Variants in HERC1 observed in about 807,000 individuals in gnomAD.
HERC1 encodes probable E3 ubiquitin-protein ligase HERC1.
HERC1 carries 160 observed loss-of-function variants against 554.3 expected under a neutral mutation model. The observed-to-expected ratio is 0.29, with a 90% CI of 0.25 to 0.33. The LOEUF (loss-of-function observed/expected upper bound fraction) is 0.33. Ranked by LOEUF, HERC1 falls within the 10% of genes least tolerant of loss-of-function variation. The pLI is 1.00. For missense variants in HERC1, 4,919 were observed against 5,918.5 expected (o/e 0.83, Z 5.54); for synonymous variants, 2,175 against 2,131.7 (o/e 1.02, Z -0.56).
At position 63,686,510 on chromosome 15, in the gene HERC1, T is replaced by C. The variant is rs773928646; in HGVS notation, c.6074A>G (p.Asp2025Gly). 4 of 1,613,022 alleles carry C rather than the reference T, an allele frequency of 2.5e-6. No individual in the cohort carries two copies. The highest frequency in any genetic ancestry group is 1.3e-5 in the African/African-American group (1 of 74,882). ...LQKQGELEEE[D>G]ENLPIQEVSF... ...TACTTCTTGGATAGGAAGATTCTCA[T>C]CTTCTTCTTCCAACTCGCCCTGCTT... The change falls in exon 34 of 78, where the codon GAT (aspartate) becomes GGT (glycine). Residue 2025 changes from aspartate to glycine, a missense_variant. Transcript: ENST00000443617.
At chr15:63,825,782 G>A (rs78732015) in intron 1 of HERC1, among the ~76,000 whole-genome samples, 12 of 146,722 alleles carry the variant, frequency 8.2e-5, no homozygotes, top group African/African-American at 3.0e-4. Context: ...TTTTTTTTTT[G>A]AGATGGAGTC....
chr15:63,651,644 T>G (rs2069685504), intron 52 of HERC1, among the ~76,000 whole-genome samples: 1 of 152,260 alleles, frequency 6.6e-6, no homozygotes, highest in Non-Finnish European at 1.5e-5. Flanking sequence ...AAATTCTGTA[T>G]GTGTTGTACA....
At chr15:63,807,647 G>C (rs981615493) in intron 1 of HERC1, among the ~76,000 whole-genome samples, 3 of 152,124 alleles carry the variant, frequency 2.0e-5, no homozygotes, top group South Asian at 2.1e-4. Context: ...AAATCACTTA[G>C]TCTGCTTAAG....
intron 36 of HERC1, among the ~76,000 whole-genome samples, 173 bp from the exon 37 acceptor site, chr15:63,678,538 T>A (rs2071316762): frequency 6.6e-6 from 1 of 152,134 alleles, no homozygotes; most frequent in Admixed American, 6.5e-5. Flanking sequence ...ACACTGAAGT[T>A]AGTAGTGGTA....
chr15:63,720,660 A>G (rs11635593), intron 19 of HERC1, among the ~76,000 whole-genome samples: 1 of 152,010 alleles, frequency 6.6e-6, no homozygotes, highest in Non-Finnish European at 1.5e-5. Flanking sequence ...GAAATTCTTA[A>G]AGCCCACAGA....
intron 34 of HERC1, among the ~76,000 whole-genome samples, chr15:63,684,504 C>A (rs181704742): frequency 6.6e-6 from 1 of 152,150 alleles, no homozygotes; most frequent in African/African-American, 2.4e-5. Context: ...GCATCCAACC[C>A]TTCTGGACAA....
At chr15:63,766,391 CAGCCTGGCCA>C (rs2142545545) in intron 2 of HERC1, among the ~76,000 whole-genome samples, 1 of 152,134 alleles carries the variant, frequency 6.6e-6, no homozygotes, top group African/African-American at 2.4e-5. Context: ...AGTTCAAGAC[CAGCCTGGCCA>C]ACATGGTAAA....
Position 63,624,471 on chromosome 15 carries a change from C to A in HERC1, c.13276-144G>T, listed in dbSNP as rs371871759. The stretch of plus-strand genomic sequence containing the variant: ...CAGCACTTTGGGAGGCTGTGGTGGG[C>A]GGATCGCTTGAGCCCAGGAGTTCAA... On this transcript the variant is annotated intron_variant, in intron 71 of 77. Coordinates refer to ENST00000443617, the MANE Select transcript of HERC1 (RefSeq NM_003922.4). The A allele has an allele frequency of 1.5e-5, 10 of 669,692 alleles. No individual in the cohort carries two copies. The East Asian group carries it at 2.2e-4, about 15-fold the overall frequency. 41.5% of individuals were successfully genotyped at this position (669,692 alleles called of 1,614,324 possible).
chr15:63,635,885 T>C, intron 65 of HERC1, 76 bp downstream of exon 65: 1 of 1,409,412 alleles, frequency 7.1e-7, no homozygotes, highest in Non-Finnish European at 9.8e-7. Flanking sequence ...TATTTTCTGT[T>C]ACCTAATTTT....
rs558818464 is a variant in HERC1 at position 63,666,546 on chromosome 15, T to C, written c.8207-74A>G. 8 of 955,894 alleles carry C rather than the reference T, an allele frequency of 8.4e-6. No homozygotes were observed. The African/African-American group carries it at 1.3e-4, about 16-fold the overall frequency. The allele number at this position is 955,894 out of a possible 1,614,324, so 59.2% of individuals were successfully genotyped here. A position where few individuals can be genotyped will look rare whatever the true frequency, so the allele number is the denominator to read the frequency against. On this transcript the variant is annotated intron_variant, in intron 40 of 77. Coordinates refer to ENST00000443617, the MANE Select transcript of HERC1 (RefSeq NM_003922.4). ...TGAGTAAAAAGTGTCTTCATAGTCC[T>C]CAATTTCCTAGTATTGTCCAAGTTT...
At chr15:63,785,021 C>G (rs1353086972) in intron 1 of HERC1, among the ~76,000 whole-genome samples, 1 of 152,174 alleles carries the variant, frequency 6.6e-6, no homozygotes, top group Non-Finnish European at 1.5e-5. Context: ...AAAGGAGTTA[C>G]AAATTATCTA....
chr15:63,628,888 T>C (rs1159573546), intron 69 of HERC1, 73 bp from the exon 70 acceptor site: 1 of 1,448,492 alleles, frequency 6.9e-7, no homozygotes, highest in African/African-American at 1.4e-5. Flanking sequence ...GAAATTTTTC[T>C]TAGATGGTGG....
At position 63,674,328 on chromosome 15, in the gene HERC1, AT is replaced by A. The variant is rs749295332; in HGVS notation, c.7846+13del. On this transcript the variant is annotated intron_variant, in intron 38 of 77. Coordinates refer to ENST00000443617, the MANE Select transcript of HERC1 (RefSeq NM_003922.4). ...CAGCACAAAAGCAAAAAAAAAAAAA[AT>A]CAGATAACATACCTTGCTTAATTTT... 8.4e-6 allele frequency: 13 copies of A among 1,551,360 alleles called. No homozygotes were observed. The South Asian group carries it at 1.4e-4, about 16-fold the overall frequency.
At chr15:63,644,190 T>C (rs559780899) in intron 57 of HERC1, among the ~76,000 whole-genome samples, 25 of 152,346 alleles carry the variant, frequency 1.6e-4, no homozygotes, top group African/African-American at 5.8e-4. Flanking sequence ...CTTTTAGTTA[T>C]GACAACATAA....
At chr15:63,767,625 G>A (rs1409273248) in intron 2 of HERC1, among the ~76,000 whole-genome samples, 2 of 152,100 alleles carry the variant, frequency 1.3e-5, no homozygotes, top group Non-Finnish European at 2.9e-5. Context: ...TTGAACCCAG[G>A]AGGCGGAGGC....
In HERC1 at chr15:63,739,195, C is replaced by CTTTTT. The variant is rs1205943240; in HGVS notation, c.2521-4351_2521-4347dup. Among the ~76,000 whole-genome samples the CTTTTT allele has an allele frequency of 2.8e-4, 29 of 102,242 alleles. 1 individual carries two copies. Among genetic ancestry groups the CTTTTT allele is most frequent in the Non-Finnish European group, 4.4e-4 (23 of 52,432 alleles). 67.1% of individuals were successfully genotyped at this position (102,242 alleles called of 152,430 possible). Reference sequence around the variant, plus strand: ...AAGACCTCCAACAACCACTAATATACTTTTTTTTTTTTTTTTTTTTTAGAT... The same window carrying CTTTTT: ...AAGACCTCCAACAACCACTAATATACTTTTTTTTTTTTTTTTTTTTTTTTTTAGAT... On this transcript the variant is annotated intron_variant, in intron 12 of 77. Transcript: ENST00000443617.
intron 22 of HERC1, among the ~76,000 whole-genome samples, chr15:63,714,769 G>A (rs1397613774): frequency 6.6e-6 from 1 of 151,664 alleles, no homozygotes; most frequent in Non-Finnish European, 1.5e-5. Flanking sequence ...GTCTGGTCTC[G>A]AACTCCTGAC....
In HERC1 at chr15:63,712,828, T is replaced by C; in HGVS notation, c.4531A>G (p.Arg1511Gly). 6.2e-7 allele frequency: 1 copy of C among 1,613,700 alleles called. No individual in the cohort carries two copies. Among genetic ancestry groups the C allele is most frequent in the Non-Finnish European group, 8.5e-7 (1 of 1,179,704 alleles). Residue 1511 changes from arginine to glycine, a missense_variant, in exon 24 of 78, where the codon AGG becomes GGG. By Grantham distance (125) the Arg-to-Gly change is moderately radical. This residue lies in a region of HERC1 where 1,121 missense variants were observed against 1,244.0 expected (regional missense o/e 0.90). Transcript: ENST00000443617. ...GGCTGAGACAAATCAGATTCACTCC[T>C]CGATTTGATCAGTCTATAATTTGGG... is the stretch of plus-strand genomic sequence containing the variant. ...TSPNYRLIKS[R>G]SESDLSQPES...
At chr15:63,673,747 CAGAG>C (rs1566996844) in intron 38 of HERC1, among the ~76,000 whole-genome samples, 1 of 152,160 alleles carries the variant, frequency 6.6e-6, no homozygotes, top group Non-Finnish European at 1.5e-5. Context: ...TTTTTTGAGA[CAGAG>C]TCTCGCTCAG....
Sources: allele counts gnomAD v4.1 joint callset (sites outside exome capture counted in the v4.1 genomes callset), GRCh38; gene constraint gnomAD v4.1.1; regional missense constraint gnomAD v4.1.1; transcripts MANE v1.5; gene names NCBI Gene and HGNC (gene_info 2026-07-23, HGNC 2026-07-21).